Variants in CTNNA2 observed in about 807,000 individuals in gnomAD.
CTNNA2 encodes the protein catenin alpha 2, also known as catenin alpha-2.
A neutral mutation model predicts 101.0 loss-of-function variants in CTNNA2; 42 were observed. The ratio of observed to expected loss-of-function variants is 0.42; its 90% CI spans 0.32 to 0.54. The LOEUF is 0.54. Ranked by LOEUF, CTNNA2 falls within the 20% of genes least tolerant of loss-of-function variation. The pLI, the probability that CTNNA2 is intolerant of heterozygous loss-of-function variation, is 0.14. For synonymous variants in CTNNA2, 450 were observed against 456.4 expected (o/e 0.99, Z 0.18); for missense variants, 871 against 1,223.1 (o/e 0.71, Z 4.29).
chr2:79,275,507 G>A (rs1283600856), intron 2 of CTNNA2, among the ~76,000 whole-genome samples: 1 of 151,910 alleles, frequency 6.6e-6, no homozygotes, highest in African/African-American at 2.4e-5. Context: ...GAATTTTCTT[G>A]CCCCTCATGT....
chr2:79,777,646 T>C (rs988235967), intron 3 of CTNNA2, among the ~76,000 whole-genome samples: 1 of 152,164 alleles, frequency 6.6e-6, no homozygotes, highest in Non-Finnish European at 1.5e-5. Flanking sequence ...GCATAAGATA[T>C]GGGATTAAAA....
At chr2:79,389,002 G>A (rs1250126480) in intron 4 of CTNNA2, among the ~76,000 whole-genome samples, 1 of 152,028 alleles carries the variant, frequency 6.6e-6, no homozygotes, top group Non-Finnish European at 1.5e-5. Context: ...GTTACACAGT[G>A]CACAGATACA....
At chr2:80,476,718 G>T (rs751504334) in intron 9 of CTNNA2, among the ~76,000 whole-genome samples, 2 of 152,080 alleles carry the variant, frequency 1.3e-5, no homozygotes, top group Non-Finnish European at 2.9e-5. Context: ...TTGCTTTCTG[G>T]CCTCAGACAT....
chr2:79,498,269 G>A (rs1485170869), intron 4 of CTNNA2: 2 of 152,226 alleles, frequency 1.3e-5, no homozygotes, highest in African/African-American at 4.8e-5. Context: ...ACATGGAAGA[G>A]TGTGTCCTTT....
At chr2:79,624,876 G>T (rs1046662448) in intron 1 of CTNNA2, among the ~76,000 whole-genome samples, 1 of 152,134 alleles carries the variant, frequency 6.6e-6, no homozygotes, top group African/African-American at 2.4e-5. Context: ...CCCAGTCTGG[G>T]CATGGGCTCA....
In CTNNA2 at chr2:80,245,822, T is replaced by TTTTTTG. The variant is rs1558937542; in HGVS notation, c.1057-147388_1057-147387insTTTTGT. On this transcript the variant is annotated intron_variant, in intron 7 of 18. Coordinates refer to ENST00000402739, the MANE Select transcript of CTNNA2 (RefSeq NM_001282597.3). ...TTTTTTTTTTTTTTTTTTTTTTTTT[T>TTTTTTG]TGCACTCTGTAGCCCAGGCTGGAGT... 1.1e-4 allele frequency among the ~76,000 whole-genome samples: 15 copies of TTTTTTG among 135,546 alleles called. No homozygotes were observed. The East Asian group carries it at 1.4e-3, about 13-fold the overall frequency. 88.9% of individuals were successfully genotyped at this position (135,546 alleles called of 152,430 possible).
At chr2:79,493,778 G>T (rs1050395897) in intron 4 of CTNNA2, 1 of 152,182 alleles carries the variant, frequency 6.6e-6, no homozygotes, top group Admixed American at 6.5e-5. Flanking sequence ...TTGTTTGGAG[G>T]TAAGAAGACA....
chr2:79,237,770 G>C (rs191117311), intron 2 of CTNNA2, among the ~76,000 whole-genome samples: 9 of 152,258 alleles, frequency 5.9e-5, no homozygotes, highest in African/African-American at 1.9e-4. Context: ...ACCTCTGCTA[G>C]CTTGAAACTT....
chr2:80,365,924 G>A (rs1015425934), intron 7 of CTNNA2, among the ~76,000 whole-genome samples: 1 of 152,058 alleles, frequency 6.6e-6, no homozygotes, highest in Non-Finnish European at 1.5e-5. Flanking sequence ...TTGCCCCTCG[G>A]GGCCTGCTGC....
intron 3 of CTNNA2, among the ~76,000 whole-genome samples, chr2:79,343,086 A>G (rs566898400): frequency 6.6e-6 from 1 of 152,354 alleles, no homozygotes; most frequent in South Asian, 2.1e-4. Context: ...TTTATGTACA[A>G]GGTTATTCAT....
intron 7 of CTNNA2, among the ~76,000 whole-genome samples, chr2:80,138,624 G>A (rs1053489255): frequency 2.0e-5 from 3 of 152,174 alleles, no homozygotes; most frequent in Non-Finnish European, 4.4e-5. Context: ...TATGCATGAA[G>A]GTTAAGAACA....
intron 3 of CTNNA2, among the ~76,000 whole-genome samples, chr2:79,760,287 ATGTGTGTGTGTG>A (rs72350498): frequency 1.3e-5 from 2 of 149,638 alleles, no homozygotes; most frequent in African/African-American, 2.4e-5. Flanking sequence ...TACATATAAA[ATGTGTGTGTGTG>A]TGTGTGTGTG....
intron 7 of CTNNA2, among the ~76,000 whole-genome samples, chr2:79,964,139 C>T (rs1439391443): frequency 6.6e-6 from 1 of 152,220 alleles, no homozygotes; most frequent in Non-Finnish European, 1.5e-5. Flanking sequence ...AGAAATCCCA[C>T]ATCTTGATTT....
Position 80,331,683 on chromosome 2 carries a change from C to T in CTNNA2, c.1057-61528C>T, listed in dbSNP as rs531493177. Among the ~76,000 whole-genome samples, 354 of 152,180 alleles carry T rather than the reference C, an allele frequency of 2.3e-3. 2 individuals are homozygous for T. Among genetic ancestry groups the T allele is most frequent in the African/African-American group, 7.7e-3 (320 of 41,514 alleles). Reference sequence around the variant, plus strand: ...CGAGCAATGATGACCAACTACTTTTCGCTAGCAAAAACCAAAAGGGCAGGG... The same window carrying T: ...CGAGCAATGATGACCAACTACTTTTTGCTAGCAAAAACCAAAAGGGCAGGG... On this transcript the variant is annotated intron_variant, in intron 7 of 18. Transcript: ENST00000402739.
At chr2:80,276,608 G>A (rs926577749) in intron 7 of CTNNA2, among the ~76,000 whole-genome samples, 4 of 152,010 alleles carry the variant, frequency 2.6e-5, no homozygotes, top group East Asian at 1.9e-4. Context: ...AAGGAGAGAA[G>A]GCATCACATG....
chr2:79,274,402 T>C (rs905107142), intron 2 of CTNNA2, among the ~76,000 whole-genome samples: 1 of 152,104 alleles, frequency 6.6e-6, no homozygotes, highest in Non-Finnish European at 1.5e-5. Flanking sequence ...AAAATTGTTT[T>C]AAAACAAAAT....
At chr2:80,480,290 T>A (rs536878844) in intron 9 of CTNNA2, among the ~76,000 whole-genome samples, 2 of 152,110 alleles carry the variant, frequency 1.3e-5, no homozygotes, top group Non-Finnish European at 2.9e-5. Flanking sequence ...CACAGTGTTT[T>A]ATTTTTAAAA....
intron 9 of CTNNA2, among the ~76,000 whole-genome samples, chr2:80,513,029 GTTGTAGCTCCC>G (rs1004112662): frequency 6.6e-6 from 1 of 152,010 alleles, no homozygotes; most frequent in African/African-American, 2.4e-5. Context: ...AACATTTTGT[GTTGTAGCTCCC>G]TTGCTTACAC....
intron 18 of CTNNA2, among the ~76,000 whole-genome samples, chr2:80,645,968 T>G (rs976629144): frequency 1.3e-5 from 2 of 152,088 alleles, no homozygotes; most frequent in East Asian, 3.9e-4. Context: ...CTCATTTGAT[T>G]GACATTTTTA....
Sources: allele counts gnomAD v4.1 joint callset (sites outside exome capture counted in the v4.1 genomes callset), GRCh38; gene constraint gnomAD v4.1.1; transcripts MANE v1.5; gene names NCBI Gene and HGNC (gene_info 2026-07-23, HGNC 2026-07-21).